The following ZFHX3 variants were observed in gnomAD, a reference collection of about 807,000 sequenced individuals.
ZFHX3 encodes the protein zinc finger homeobox protein 3.
In ZFHX3, 42 loss-of-function variants were observed where a neutral mutation model predicts 279.1. The ratio of observed to expected loss-of-function variants is 0.15; its 90% confidence interval spans 0.12 to 0.19. The LOEUF (loss-of-function observed/expected upper bound fraction) is 0.19. ZFHX3 is among the 10% of genes least tolerant of loss of function. The probability of loss-of-function intolerance (pLI) is 1.00; values close to 1 mark genes in which losing one functional copy is unlikely to be tolerated. For missense variants in ZFHX3, 4,981 were observed against 4,754.0 expected, an observed-to-expected ratio of 1.05 and a Z score of -1.40; for synonymous variants, 2,293 against 1,957.8, an observed-to-expected ratio of 1.17 and a Z score of -4.52.
intron 1 of ZFHX3, among the ~76,000 whole-genome samples, chr16:73,723,998 T>G (rs2639311): frequency 0.87 from 133,078 of 152,198 alleles, 59,048 homozygotes; most frequent in Non-Finnish European, 0.95. Context: ...ACTGGGAAAT[T>G]TGAAAAGAAA....
chr16:73,049,745 G>T (rs1225539320), upstream of ZFHX3, among the ~76,000 whole-genome samples: 1 of 152,198 alleles, frequency 6.6e-6, no homozygotes, highest in Non-Finnish European at 1.5e-5. Context: ...AACAGGGAAG[G>T]TGGAGGATGA....
intron 1 of ZFHX3, among the ~76,000 whole-genome samples, chr16:73,784,794 A>ATATATATAT (rs1555501444): frequency 8.8e-6 from 1 of 114,226 alleles, no homozygotes; most frequent in Non-Finnish European, 1.9e-5. Context: ...AATAAAAAAA[A>ATATATATAT]AAATATATAT....
chr16:73,082,738 C>G (rs1965964074), intron 8 of ZFHX3, among the ~76,000 whole-genome samples: 1 of 152,062 alleles, frequency 6.6e-6, no homozygotes, highest in South Asian at 2.1e-4. Context: ...AGTCACTGCT[C>G]ATAAAAATCA....
At chr16:73,212,073 T>A (rs2012038326) in intron 5 of ZFHX3, among the ~76,000 whole-genome samples, 1 of 152,096 alleles carries the variant, frequency 6.6e-6, no homozygotes, top group Non-Finnish European at 1.5e-5. Flanking sequence ...GGAAATCAGC[T>A]GGTGACTTCT....
chr16:73,797,807 CTTTTTTTTT>C, intron 1 of ZFHX3, among the ~76,000 whole-genome samples: 1 of 82,916 alleles, frequency 1.2e-5, no homozygotes, highest in East Asian at 3.8e-4. Flanking sequence ...CTTCTGAAGA[CTTTTTTTTT>C]TTTTTTTTTT....
At position 72,811,585 on chromosome 16, in the gene ZFHX3, T is replaced by A; in HGVS notation, c.3856A>T (p.Ile1286Phe). The change falls in exon 7 of 10, where the codon ATT (isoleucine) becomes TTT (phenylalanine). Residue 1286 changes from isoleucine to phenylalanine, a missense_variant. Physicochemically the swap from Ile to Phe is conservative, Grantham distance 21. Coordinates refer to ENST00000268489, the MANE Select transcript of ZFHX3 (RefSeq NM_006885.4). ...SVAPDCVEKL[I>F]MTVTTPEMVM... The stretch of plus-strand genomic sequence containing the variant: ...GCTCCTGGCTGCCTTACCGTCATAA[T>A]GAGCTTCTCCACGCAGTCAGGTGCC... 6.3e-7 allele frequency: 1 copy of A among 1,591,526 alleles called. No individual in the cohort carries two copies. The highest frequency in any genetic ancestry group is 8.6e-7 in the Non-Finnish European group (1 of 1,165,778).
chr16:73,085,039 G>GA (rs907360687), intron 8 of ZFHX3, among the ~76,000 whole-genome samples: 64 of 150,688 alleles, frequency 4.2e-4, no homozygotes, highest in African/African-American at 4.1e-4. Flanking sequence ...CACAGAAATA[G>GA]AAAAAAAAAG....
intron 8 of ZFHX3, among the ~76,000 whole-genome samples, chr16:73,088,431 C>T (rs1016436955): frequency 2.0e-5 from 3 of 152,204 alleles, no homozygotes; most frequent in Non-Finnish European, 4.4e-5. Flanking sequence ...GAAATACAGG[C>T]ATGAACCACT....
chr16:73,071,017 C>A (rs1364624816), intron 8 of ZFHX3, among the ~76,000 whole-genome samples: 2 of 109,236 alleles, frequency 1.8e-5, no homozygotes, highest in African/African-American at 3.5e-5. Context: ...CGCCCCCCAA[C>A]CCTCCCCCCC....
intron 2 of ZFHX3, among the ~76,000 whole-genome samples, chr16:73,658,237 T>A (rs966725816): frequency 3.9e-5 from 6 of 152,204 alleles, no homozygotes; most frequent in African/African-American, 1.4e-4. Context: ...ATGGAAATTT[T>A]AAAAAATGTT....
At chr16:73,554,084 C>T (rs966931529) in intron 2 of ZFHX3, among the ~76,000 whole-genome samples, 4 of 152,108 alleles carry the variant, frequency 2.6e-5, no homozygotes, top group Admixed American at 1.3e-4. Flanking sequence ...TTCTTTTCTT[C>T]GTCAATGTGT....
At chr16:73,027,958 T>C (rs552792917) in intron 1 of ZFHX3, among the ~76,000 whole-genome samples, 19 of 152,164 alleles carry the variant, frequency 1.2e-4, no homozygotes, top group Non-Finnish European at 2.2e-4. Flanking sequence ...GGGGACCATA[T>C]TTCACAGAGC....
intron 1 of ZFHX3, among the ~76,000 whole-genome samples, chr16:73,021,165 A>G (rs1964284132): frequency 1.3e-5 from 2 of 152,198 alleles, no homozygotes. Context: ...TGCTAAGTAG[A>G]CATATAGTGG....
At chr16:73,751,817 G>A (rs1176548922) in intron 1 of ZFHX3, among the ~76,000 whole-genome samples, 2 of 152,078 alleles carry the variant, frequency 1.3e-5, no homozygotes, top group East Asian at 3.9e-4. Flanking sequence ...AGCCTCCCTT[G>A]TATCAGAGAT....
chr16:72,982,609 T>C (rs1213057756), intron 1 of ZFHX3, among the ~76,000 whole-genome samples: 1 of 152,154 alleles, frequency 6.6e-6, no homozygotes, highest in Non-Finnish European at 1.5e-5. Context: ...CACCACCAAA[T>C]ATTGAGTTGC....
At chr16:73,158,811 A>C (rs1967157473) in intron 5 of ZFHX3, among the ~76,000 whole-genome samples, 1 of 152,226 alleles carries the variant, frequency 6.6e-6, no homozygotes, top group African/African-American at 2.4e-5. Context: ...CAAAGCTGAC[A>C]AAAACAAGCA....
intron 4 of ZFHX3, among the ~76,000 whole-genome samples, chr16:73,303,444 G>A (rs16943839): frequency 0.11 from 16,512 of 152,124 alleles, 924 homozygotes; most frequent in Non-Finnish European, 0.11. Flanking sequence ...CATTCCGGAG[G>A]CTGATCTTAC....
chr16:72,881,717 C>G (rs1009881540), intron 4 of ZFHX3, among the ~76,000 whole-genome samples: 20 of 152,114 alleles, frequency 1.3e-4, no homozygotes, highest in Non-Finnish European at 2.5e-4. Flanking sequence ...GCACACATGG[C>G]AGGAGACAGC....
intron 8 of ZFHX3, among the ~76,000 whole-genome samples, chr16:73,071,970 G>T (rs1022495574): frequency 2.0e-5 from 3 of 152,190 alleles, no homozygotes; most frequent in African/African-American, 2.4e-5. Flanking sequence ...GTTCTGAGTG[G>T]GATGATACCC....
Sources: allele counts gnomAD v4.1 joint callset (sites outside exome capture counted in the v4.1 genomes callset), GRCh38; gene constraint gnomAD v4.1.1; transcripts MANE v1.5; gene names NCBI Gene and HGNC (gene_info 2026-07-23, HGNC 2026-07-21).